GRID1: variants seen among roughly 807,000 people sequenced by gnomAD.
GRID1 encodes the protein glutamate ionotropic receptor delta type subunit 1.
GRID1 carries 28 observed loss-of-function variants against 98.0 expected under a neutral mutation model. That is an observed-to-expected ratio of 0.29 (90% CI 0.21 to 0.39). The LOEUF (loss-of-function observed/expected upper bound fraction) is 0.39, where lower values mean the gene tolerates loss of function less well. GRID1 is among the 10% of genes least tolerant of loss of function. The pLI, the probability that GRID1 is intolerant of heterozygous loss-of-function variation, is 1.00. For missense variants in GRID1, 1,111 were observed against 1,340.5 expected (o/e 0.83, Z 2.67); for synonymous variants, 553 against 538.5 (o/e 1.03, Z -0.37).
chr10:85,637,228 GA>G (rs1364945626), intron 13 of GRID1, among the ~76,000 whole-genome samples: 1 of 152,128 alleles, frequency 6.6e-6, no homozygotes, highest in African/African-American at 2.4e-5. Flanking sequence ...AGGATTCTTG[GA>G]ACTGCATTTA....
intron 13 of GRID1, among the ~76,000 whole-genome samples, chr10:85,623,819 C>CTATTTATATTA (rs1453807698): frequency 9.2e-5 from 14 of 152,242 alleles, no homozygotes; most frequent in Admixed American, 9.2e-4. Context: ...TTGTCATTTC[C>CTATTTATATTA]TATTTATATT....
rs1424362589 is a variant in GRID1 at position 86,206,760 on chromosome 10, C to T, written c.236-112G>A. ...TCATGCCCAGGACTCCCAAGAGAGG[C>T]TGCCTCCCTCCAGGACCAAGAACCA... On this transcript the variant is annotated intron_variant, in intron 2 of 15. Coordinates refer to ENST00000327946, the MANE Select transcript of GRID1 (RefSeq NM_017551.3). This position sits in a 1 kb window ranked among gnomAD's most constrained non-coding sequence, Gnocchi z 4.1. The T allele has an allele frequency of 1.1e-5, 11 of 995,208 alleles. No individual in the cohort carries two copies. The highest frequency in any genetic ancestry group is 1.5e-5 in the Non-Finnish European group (10 of 680,944). The allele number at this position is 995,208 out of a possible 1,614,324, so 61.6% of individuals were successfully genotyped here. A position where few individuals can be genotyped will look rare whatever the true frequency, so the allele number is the denominator to read the frequency against.
At chr10:85,628,830 C>G (rs1161664452) in intron 13 of GRID1, among the ~76,000 whole-genome samples, 1 of 152,178 alleles carries the variant, frequency 6.6e-6, no homozygotes, top group African/African-American at 2.4e-5. Context: ...CTCCTGGCTG[C>G]AGCCCAGAGT....
At chr10:86,010,777 C>T (rs1339666195) in intron 4 of GRID1, among the ~76,000 whole-genome samples, 1 of 146,592 alleles carries the variant, frequency 6.8e-6, no homozygotes, top group East Asian at 2.0e-4. Flanking sequence ...GAGATCTTGC[C>T]ACTGTACTCC....
At chr10:86,176,791 G>A (rs1845581427) in intron 3 of GRID1, among the ~76,000 whole-genome samples, 1 of 152,166 alleles carries the variant, frequency 6.6e-6, no homozygotes, top group Admixed American at 6.5e-5. Context: ...GCCAGTCTAG[G>A]TAAGAAATGA....
At chr10:85,767,577 G>A (rs1842210061) in intron 8 of GRID1, among the ~76,000 whole-genome samples, 1 of 152,116 alleles carries the variant, frequency 6.6e-6, no homozygotes, top group South Asian at 2.1e-4. Context: ...TGAAGTTTTG[G>A]GCCTGTTGTT....
At chr10:86,033,800 T>C (rs1189293652) in intron 4 of GRID1, among the ~76,000 whole-genome samples, 1 of 152,228 alleles carries the variant, frequency 6.6e-6, no homozygotes, top group Non-Finnish European at 1.5e-5. Context: ...TAACCACTCC[T>C]ACCACAGCAA....
At chr10:85,804,723 C>T (rs1287406009) in intron 8 of GRID1, among the ~76,000 whole-genome samples, 2 of 151,754 alleles carry the variant, frequency 1.3e-5, no homozygotes, top group African/African-American at 4.8e-5. Context: ...CAGAATAAGG[C>T]AACAAATTAC....
intron 13 of GRID1, among the ~76,000 whole-genome samples, chr10:85,630,223 G>T (rs1168065111): frequency 6.6e-6 from 1 of 152,132 alleles, no homozygotes; most frequent in Non-Finnish European, 1.5e-5. Context: ...CAAGAACAAG[G>T]GTTTGGAGAC....
At chr10:86,183,493 A>G (rs911208367) in intron 3 of GRID1, among the ~76,000 whole-genome samples, 3 of 152,000 alleles carry the variant, frequency 2.0e-5, no homozygotes, top group African/African-American at 7.2e-5. Flanking sequence ...CCAAGTAGCT[A>G]GGATTACAGG....
At position 86,183,339 on chromosome 10, in the gene GRID1, A is replaced by ATTATTTAT. The variant is rs58071795; in HGVS notation, c.520+23017_520+23024dup. 1.2e-3 allele frequency among the ~76,000 whole-genome samples: 185 copies of ATTATTTAT among 149,762 alleles called. 1 individual carries two copies. Among genetic ancestry groups the ATTATTTAT allele is most frequent in the Admixed American group, 3.7e-3 (56 of 14,968 alleles). ...TATTTTATCATATAAATATACCACA[A>ATTATTTAT]TTATTTATTTATTTATTTATTTATT... is the stretch of plus-strand genomic sequence containing the variant. On this transcript the variant is annotated intron_variant, in intron 3 of 15. Transcript: ENST00000327946.
chr10:85,945,767 G>GT (rs1842046740), intron 4 of GRID1, among the ~76,000 whole-genome samples: 1 of 152,152 alleles, frequency 6.6e-6, no homozygotes, highest in Admixed American at 6.5e-5. Flanking sequence ...CACTGTGGAA[G>GT]TTTTTTATAT....
At chr10:85,724,028 A>G (rs1841733252) in intron 11 of GRID1, among the ~76,000 whole-genome samples, 2 of 152,214 alleles carry the variant, frequency 1.3e-5, no homozygotes, top group Non-Finnish European at 2.9e-5. Context: ...TTTAAGCAAG[A>G]TTCACAGTTT....
chr10:85,968,539 G>C (rs535130173), intron 4 of GRID1, among the ~76,000 whole-genome samples: 1 of 150,554 alleles, frequency 6.6e-6, no homozygotes, highest in South Asian at 2.1e-4. Flanking sequence ...ATGCAATTTC[G>C]ACAGCAACAA....
intron 4 of GRID1, among the ~76,000 whole-genome samples, chr10:86,061,768 C>T (rs965327981): frequency 1.3e-5 from 2 of 152,190 alleles, no homozygotes; most frequent in African/African-American, 4.8e-5. Flanking sequence ...TGGAGTGCTC[C>T]CATTCCCCAA....
intron 2 of GRID1, among the ~76,000 whole-genome samples, chr10:86,323,256 T>C (rs1847995552): frequency 6.6e-6 from 1 of 152,218 alleles, no homozygotes; most frequent in African/African-American, 2.4e-5. Flanking sequence ...GTGGGGCTTC[T>C]CTTCACTCAG....
chr10:85,745,675 A>T (rs2132679078), intron 8 of GRID1, among the ~76,000 whole-genome samples: 1 of 147,524 alleles, frequency 6.8e-6, no homozygotes, highest in East Asian at 2.0e-4. Flanking sequence ...ATACATATGT[A>T]ACTAACCTGC....
At chr10:86,249,052 C>G (rs1367500127) in intron 2 of GRID1, among the ~76,000 whole-genome samples, 1 of 152,198 alleles carries the variant, frequency 6.6e-6, no homozygotes, top group Non-Finnish European at 1.5e-5. Context: ...GCCAGGGGGC[C>G]GAGATCAGCA....
intron 4 of GRID1, among the ~76,000 whole-genome samples, chr10:86,127,582 C>T (rs1284141923): frequency 2.6e-5 from 4 of 152,228 alleles, no homozygotes; most frequent in Admixed American, 6.5e-5. Flanking sequence ...CTCTCTTGGA[C>T]TCTAACATCC....
Sources: gnomAD v4.1 joint callset for allele counts (sites outside exome capture counted in the v4.1 genomes callset) on GRCh38, gnomAD v4.1.1 for gene constraint, Gnocchi (gnomAD v3.1) non-coding constraint, MANE v1.5 for transcripts, NCBI Gene and HGNC (gene_info 2026-07-23, HGNC 2026-07-21) for gene names.